Variants in RFTN2 observed in about 807,000 individuals in gnomAD.
RFTN2 encodes raftlin family member 2.
In RFTN2, 34 loss-of-function variants were observed where a neutral mutation model predicts 52.7. That is an observed-to-expected ratio of 0.64 (90% CI 0.49 to 0.86). RFTN2 has a LOEUF of 0.86. Ranked by LOEUF, RFTN2 falls within the 40% of genes least tolerant of loss-of-function variation. RFTN2 has a pLI of 0.00. For missense variants in RFTN2, 536 were observed against 600.1 expected (o/e 0.89, Z 1.12); for synonymous variants, 203 against 217.7 (o/e 0.93, Z 0.59).
At chr2:197,652,458 A>T (rs1332003716) in intron 1 of RFTN2, among the ~76,000 whole-genome samples, 1 of 152,222 alleles carries the variant, frequency 6.6e-6, no homozygotes, top group Non-Finnish European at 1.5e-5. Flanking sequence ...GATTCAGAAG[A>T]GTCAGGTCTT....
At chr2:197,580,668 C>T (rs1485409096) in intron 8 of RFTN2, among the ~76,000 whole-genome samples, 1 of 152,192 alleles carries the variant, frequency 6.6e-6, no homozygotes, top group Non-Finnish European at 1.5e-5. Flanking sequence ...GAAATTAAAT[C>T]CATCCTCTTC....
chr2:197,586,722 A>G (rs1305317700), intron 8 of RFTN2, among the ~76,000 whole-genome samples: 1 of 152,184 alleles, frequency 6.6e-6, no homozygotes, highest in Non-Finnish European at 1.5e-5. Flanking sequence ...TAGCCTCTCT[A>G]ATGACTTCTC....
chr2:197,593,641 C>A (rs1290424151), intron 8 of RFTN2, among the ~76,000 whole-genome samples: 1 of 152,050 alleles, frequency 6.6e-6, no homozygotes, highest in Non-Finnish European at 1.5e-5. Context: ...GCAATCCCAG[C>A]ACTGTGGGAG....
At chr2:197,580,932 A>G (rs1158369831) in intron 8 of RFTN2, among the ~76,000 whole-genome samples, 7 of 152,092 alleles carry the variant, frequency 4.6e-5, no homozygotes, top group Non-Finnish European at 1.0e-4. Context: ...CCACAGCCAC[A>G]TCTCATTGCT....
intron 1 of RFTN2, among the ~76,000 whole-genome samples, chr2:197,658,821 A>C (rs906976784): frequency 6.6e-6 from 1 of 152,226 alleles, no homozygotes; most frequent in African/African-American, 2.4e-5. Flanking sequence ...AGAGCTTTAT[A>C]TATCTTGCAA....
At chr2:197,625,098 C>A (rs553596430) in intron 5 of RFTN2, among the ~76,000 whole-genome samples, 2 of 152,338 alleles carry the variant, frequency 1.3e-5, no homozygotes, top group African/African-American at 4.8e-5. Flanking sequence ...GATTCTCCCA[C>A]CTTGGCCTCC....
chr2:197,591,835 G>C (rs1014594117), intron 8 of RFTN2, among the ~76,000 whole-genome samples: 1 of 152,032 alleles, frequency 6.6e-6, no homozygotes, highest in African/African-American at 2.4e-5. Context: ...CGGCCGCTCT[G>C]AGTGTGGGCC....
At chr2:197,596,614 A>G (rs2087796644) in intron 7 of RFTN2, among the ~76,000 whole-genome samples, 1 of 152,236 alleles carries the variant, frequency 6.6e-6, no homozygotes, top group East Asian at 1.9e-4. Flanking sequence ...ATATGATGCT[A>G]TTATAAAAAA....
intron 3 of RFTN2, among the ~76,000 whole-genome samples, chr2:197,640,160 T>C (rs935507837): frequency 2.6e-5 from 4 of 152,232 alleles, no homozygotes; most frequent in Non-Finnish European, 4.4e-5. Flanking sequence ...GACAAGGACA[T>C]TTAAGTCTGC....
intron 5 of RFTN2, among the ~76,000 whole-genome samples, chr2:197,623,480 G>C (rs147745319): frequency 1.2e-4 from 19 of 152,160 alleles, no homozygotes; most frequent in African/African-American, 4.6e-4. Flanking sequence ...TTTCTTTTTT[G>C]TTGTTGTTGT....
At chr2:197,572,662 C>G (rs6434934) in intron 8 of RFTN2, among the ~76,000 whole-genome samples, 101,639 of 152,032 alleles carry the variant, frequency 0.67, 34,283 homozygotes, top group Middle Eastern at 0.84. Context: ...CAGATCTATA[C>G]AGCAGAAAAG....
rs772049189 is a variant in RFTN2 at position 197,572,051 on chromosome 2, T to A, written c.1463A>T (p.Gln488Leu). The A allele has an allele frequency of 6.2e-7, 1 of 1,614,246 alleles. No individual in the cohort carries two copies. The highest frequency in any genetic ancestry group is 1.1e-5 in the South Asian group (1 of 91,090). Residue 488 changes from glutamine (Q) to leucine (L), a missense_variant, in exon 9 of 9, where the codon CAG becomes CTG. Gln to Leu is a moderately radical substitution (Grantham distance 113, BLOSUM62 -2). Coordinates refer to ENST00000295049, the MANE Select transcript of RFTN2 (RefSeq NM_144629.3). ...DNVLRELDDG[Q>L]FDQEDGVTQV... is the part of the protein sequence containing the mutation. ...AGTCACTCCATCTTCCTGATCAAACTGTCCGTCGTCTAATTCCCGGAGGAC... is the reference window on the plus strand; with the variant it reads ...AGTCACTCCATCTTCCTGATCAAACAGTCCGTCGTCTAATTCCCGGAGGAC...
intron 7 of RFTN2, among the ~76,000 whole-genome samples, chr2:197,600,332 G>A (rs1337743641): frequency 6.6e-6 from 1 of 152,172 alleles, no homozygotes; most frequent in East Asian, 1.9e-4. Context: ...ACTTTGGAAG[G>A]TCAGCATCTG....
chr2:197,597,032 C>A (rs1318116398), intron 7 of RFTN2, among the ~76,000 whole-genome samples: 1 of 152,108 alleles, frequency 6.6e-6, no homozygotes, highest in Non-Finnish European at 1.5e-5. Context: ...CCCAACAAAA[C>A]CTTACTATTA....
intron 7 of RFTN2, among the ~76,000 whole-genome samples, chr2:197,604,958 G>C (rs1258526028): frequency 1.3e-5 from 2 of 151,562 alleles, no homozygotes; most frequent in African/African-American, 4.9e-5. Flanking sequence ...ACAGGGTTTT[G>C]CCATGTTGGC....
chr2:197,642,850 A>T (rs1160116209), intron 3 of RFTN2, among the ~76,000 whole-genome samples: 10 of 152,234 alleles, frequency 6.6e-5, no homozygotes, highest in Admixed American at 5.2e-4. Context: ...GTGGTGTCCC[A>T]TGCCTACAAT....
intron 1 of RFTN2, among the ~76,000 whole-genome samples, chr2:197,661,501 A>T (rs913894263): frequency 6.6e-6 from 1 of 152,100 alleles, no homozygotes; most frequent in Admixed American, 6.6e-5. Context: ...GTATTCCACC[A>T]TGTACATATG....
intron 8 of RFTN2, among the ~76,000 whole-genome samples, chr2:197,590,585 A>T (rs1448174908): frequency 6.6e-6 from 1 of 152,192 alleles, no homozygotes; most frequent in Non-Finnish European, 1.5e-5. Context: ...TGACCTCAAG[A>T]GTGAAGCCAC....
intron 5 of RFTN2, among the ~76,000 whole-genome samples, chr2:197,624,077 G>T (rs1480647741): frequency 6.6e-6 from 1 of 152,174 alleles, no homozygotes; most frequent in Non-Finnish European, 1.5e-5. Context: ...GGGATTACAG[G>T]TGTGAGCTAC....
Sources: gnomAD v4.1 joint callset for allele counts (sites outside exome capture counted in the v4.1 genomes callset) on GRCh38, gnomAD v4.1.1 for gene constraint, MANE v1.5 for transcripts, NCBI Gene and HGNC (gene_info 2026-07-23, HGNC 2026-07-21) for gene names.